CDH11: variants seen among roughly 807,000 people sequenced by gnomAD.
CDH11 encodes cadherin 11.
Under a neutral mutation model 67.8 loss-of-function variants are expected in CDH11, and 11 were observed. The ratio of observed to expected loss-of-function variants is 0.16; its 90% CI spans 0.10 to 0.27. CDH11 has a LOEUF of 0.27. Ranked by LOEUF, CDH11 falls within the 10% of genes least tolerant of loss-of-function variation. CDH11 has a pLI of 1.00. For missense variants in CDH11, 847 were observed against 1,031.2 expected, an observed-to-expected ratio of 0.82 and a Z score of 2.45; for synonymous variants, 419 against 400.0, an observed-to-expected ratio of 1.05 and a Z score of -0.57.
chr16:65,093,631 G>T (rs1370863585), intron 1 of CDH11, among the ~76,000 whole-genome samples: 1 of 152,062 alleles, frequency 6.6e-6, no homozygotes, highest in African/African-American at 2.4e-5. Flanking sequence ...GTACACAGCA[G>T]TTATTTTAGC....
At chr16:65,022,596 G>A (rs2073449838) in intron 2 of CDH11, among the ~76,000 whole-genome samples, 1 of 152,150 alleles carries the variant, frequency 6.6e-6, no homozygotes, top group African/African-American at 2.4e-5. Context: ...GTTACAATAA[G>A]TAAAGAAAAT....
At chr16:65,032,904 G>A (rs2073673259) in intron 2 of CDH11, among the ~76,000 whole-genome samples, 1 of 152,094 alleles carries the variant, frequency 6.6e-6, no homozygotes, top group Non-Finnish European at 1.5e-5. Flanking sequence ...AAGAAGCCTG[G>A]GACAAAATAG....
rs988243878 is a variant in CDH11 at position 65,093,012 on chromosome 16, C to T, written c.-298+28868G>A. On this transcript the variant is annotated intron_variant, in intron 1 of 12. Transcript: ENST00000268603. ...AGTGCAGTGGCGTGATCTTGGCCCA[C>T]TGCAACCTCCGCCTCCCAAGTTCAA... is the stretch of plus-strand genomic sequence containing the variant. Among the ~76,000 whole-genome samples the T allele has an allele frequency of 2.7e-5, 4 of 150,398 alleles. No individual in the cohort carries two copies. The East Asian group carries it at 8.0e-4, about 30-fold the overall frequency.
intron 12 of CDH11, chr16:64,948,623 G>C (rs1240926509): frequency 6.2e-7 from 1 of 1,611,112 alleles, no homozygotes; most frequent in Non-Finnish European, 8.5e-7. Flanking sequence ...AGTGTGGTTG[G>C]ACTCTCTGTA....
intron 1 of CDH11, among the ~76,000 whole-genome samples, chr16:65,073,778 C>A (rs2074460516): frequency 6.6e-6 from 1 of 152,150 alleles, no homozygotes; most frequent in Non-Finnish European, 1.5e-5. Context: ...AAAATGCAGA[C>A]TCTGCTCCAG....
chr16:64,952,436 A>G (rs552911892), intron 11 of CDH11, among the ~76,000 whole-genome samples: 4 of 152,340 alleles, frequency 2.6e-5, no homozygotes, highest in African/African-American at 9.6e-5. Context: ...AACAAATGGC[A>G]TAACTGTGTT....
intron 1 of CDH11, among the ~76,000 whole-genome samples, chr16:65,119,615 G>A (rs2075292962): frequency 6.6e-6 from 1 of 152,164 alleles, no homozygotes; most frequent in African/African-American, 2.4e-5. Context: ...AGATTATCCA[G>A]TCTCAATCCT....
intron 1 of CDH11, among the ~76,000 whole-genome samples, chr16:65,109,943 G>A (rs1167309799): frequency 2.0e-5 from 3 of 152,102 alleles, no homozygotes; most frequent in East Asian, 1.9e-4. Flanking sequence ...GTGCAGTGGC[G>A]CAATCCCAGC....
intron 3 of CDH11, among the ~76,000 whole-genome samples, chr16:65,000,773 T>C (rs541498157): frequency 3.5e-4 from 54 of 152,172 alleles, no homozygotes; most frequent in African/African-American, 1.3e-3. Context: ...CTTACCACTG[T>C]ACTCCAGCCT....
intron 1 of CDH11, among the ~76,000 whole-genome samples, chr16:65,113,322 T>C (rs977323670): frequency 6.6e-6 from 1 of 150,752 alleles, no homozygotes; most frequent in African/African-American, 2.4e-5. Flanking sequence ...TTATAGATAG[T>C]GAAAAGAGAT....
intron 1 of CDH11, among the ~76,000 whole-genome samples, chr16:65,096,903 T>C (rs2074908126): frequency 6.6e-6 from 1 of 152,314 alleles, no homozygotes; most frequent in African/African-American, 2.4e-5. Context: ...TTCTTACCTG[T>C]ATCCAAAAGT....
chr16:64,973,769 G>T (rs2072078788), intron 8 of CDH11, among the ~76,000 whole-genome samples: 2 of 151,972 alleles, frequency 1.3e-5, no homozygotes, highest in Non-Finnish European at 2.9e-5. Flanking sequence ...TCATGCCACT[G>T]CACTCCAGCG....
rs71143543 is a variant in CDH11, at chr16:64,993,196, ACCTTCCTT to A, written c.524-170_524-163del. Among the ~76,000 whole-genome samples, 297 of 147,190 alleles carry A rather than the reference ACCTTCCTT, an allele frequency of 2.0e-3. 2 individuals are homozygous for A. The highest frequency in any genetic ancestry group is 3.9e-3 in the African/African-American group (157 of 39,980). On this transcript the variant is annotated intron_variant, in intron 4 of 12. Transcript: ENST00000268603. ...GAGATGCAAAATAACCAGCCAACCA[ACCTTCCTT>A]CCTTCCTTCCTTCCTTCCTTCCTTC...
intron 1 of CDH11, among the ~76,000 whole-genome samples, chr16:65,081,623 T>C (rs2074612774): frequency 6.7e-6 from 1 of 149,878 alleles, no homozygotes; most frequent in South Asian, 2.1e-4. Context: ...AAAATGGGGG[T>C]CTACTTTGGT....
At chr16:65,047,197 G>A (rs1295191751) in intron 2 of CDH11, among the ~76,000 whole-genome samples, 2 of 152,202 alleles carry the variant, frequency 1.3e-5, no homozygotes, top group East Asian at 3.9e-4. Context: ...CTATATGGAT[G>A]TGTGTGTTTG....
At chr16:65,089,972 G>A (rs556501357) in intron 1 of CDH11, among the ~76,000 whole-genome samples, 132 of 151,990 alleles carry the variant, frequency 8.7e-4, no homozygotes, top group South Asian at 2.5e-3. Context: ...CTAACATTCC[G>A]AATGTGGAAA....
chr16:64,958,758 C>T (rs1461587874), intron 11 of CDH11, among the ~76,000 whole-genome samples: 1 of 151,962 alleles, frequency 6.6e-6, no homozygotes, highest in Non-Finnish European at 1.5e-5. Context: ...TCCATCATAG[C>T]CTATAATTAG....
intron 1 of CDH11, among the ~76,000 whole-genome samples, chr16:65,115,714 A>AAC (rs2075232180): frequency 7.2e-6 from 1 of 138,742 alleles, no homozygotes; most frequent in Non-Finnish European, 1.6e-5. Flanking sequence ...CACCAAAAAA[A>AAC]AAAAAAACAA....
At chr16:64,972,431 C>G (rs1162427840) in intron 9 of CDH11, among the ~76,000 whole-genome samples, 1 of 152,144 alleles carries the variant, frequency 6.6e-6, no homozygotes, top group African/African-American at 2.4e-5. Context: ...TTGTTGGAAG[C>G]AAAAATTCTC....
Sources: allele counts gnomAD v4.1 joint callset (sites outside exome capture counted in the v4.1 genomes callset), GRCh38; gene constraint gnomAD v4.1.1; transcripts MANE v1.5; gene names NCBI Gene and HGNC (gene_info 2026-07-23, HGNC 2026-07-21).